The following KLK7 variants were observed in gnomAD, a reference collection of about 807,000 sequenced individuals.
KLK7 encodes the protein kallikrein related peptidase 7, also known as kallikrein-7.
Under a neutral mutation model 21.0 loss-of-function variants are expected in KLK7, and 17 were observed. That is an observed-to-expected ratio of 0.81 (90% CI 0.55 to 1.21). KLK7 has a LOEUF of 1.21. Among genes scored for constraint, KLK7 ranks in the 50% most tolerant of loss-of-function variants. The pLI, the probability that KLK7 is intolerant of heterozygous loss-of-function variation, is 0.00. For missense variants in KLK7, 330 were observed against 322.8 expected (o/e 1.02, Z -0.17); for synonymous variants, 151 against 134.6 (o/e 1.12, Z -0.85).
At chr19:50,980,146 C>T (rs1385178667) in intron 4 of KLK7, 94 bp downstream of exon 4, 16 of 1,394,624 alleles carry the variant, frequency 1.1e-5, no homozygotes, top group Non-Finnish European at 1.6e-5. Flanking sequence ...GCCTGGACTC[C>T]TGGGTCTGAG....
intron 1 of KLK7, among the ~76,000 whole-genome samples, chr19:50,983,231 A>G (rs1568550351): frequency 1.1e-5 from 1 of 87,102 alleles, no homozygotes; most frequent in African/African-American, 5.7e-5. Context: ...CCTCCCTCAG[A>G]CCCAGGAGTC....
At chr19:50,980,577 CAG>C in intron 3 of KLK7, 90 bp from the exon 4 acceptor site, 1 of 1,519,072 alleles carries the variant, frequency 6.6e-7, no homozygotes, top group Non-Finnish European at 9.0e-7. Context: ...GACAGAGACC[CAG>C]AGAGAGGAGG....
chr19:50,979,809 G>T lies in KLK7; in HGVS notation c.585C>A (p.Asp195Glu). 4 of 1,573,480 alleles carry T rather than the reference G, an allele frequency of 2.5e-6. No individual in the cohort carries two copies. The highest frequency in any genetic ancestry group is 3.5e-6 in the Non-Finnish European group (4 of 1,158,274). Reference sequence around the variant, plus strand: ...TCACATTGCAGGCGTTTTTCTTGGAGTCGGGGATGCCAGCGCACAGCATGG... The same window carrying T: ...TCACATTGCAGGCGTTTTTCTTGGATTCGGGGATGCCAGCGCACAGCATGG... The part of the protein sequence containing the change: ...ENSMLCAGIP[D>E]SKKNACNGDS... The change falls in exon 5 of 6, where the codon GAC becomes GAA. Residue 195 changes from aspartate (D) to glutamate (E), a missense_variant. Asp to Glu is a conservative substitution (Grantham distance 45). Transcript: ENST00000595820.
intron 2 of KLK7, 65 bp downstream of exon 2, chr19:50,982,262 G>A (rs2091095154): frequency 6.4e-7 from 1 of 1,566,300 alleles, no homozygotes; most frequent in Admixed American, 1.9e-5. Context: ...TCTGACTCAG[G>A]GACTCCTTGG....
At position 50,980,273 on chromosome 19, in the gene KLK7, C is replaced by T. The variant is rs759790552; in HGVS notation, c.436G>A (p.Val146Ile). ...CTCGTGGTAGTGCCCCAGCCGGAGA[C>T]AGTACAGGTGGTTCCAGGGGGTTCG... ...RCEPPGTTCT[V>I]SGWGTTTSPD... Residue 146 changes from valine (V) to isoleucine (I), a missense_variant, in exon 4 of 6, where the codon GTC becomes ATC. Val to Ile is a conservative substitution (Grantham distance 29). Transcript: ENST00000595820. The T allele has an allele frequency of 4.3e-6, 7 of 1,613,870 alleles. No individual in the cohort carries two copies. Among genetic ancestry groups the T allele is most frequent in the African/African-American group, 1.3e-5 (1 of 74,874 alleles).
intron 5 of KLK7, among the ~76,000 whole-genome samples, chr19:50,978,541 T>G (rs1235409949): frequency 3.0e-3 from 211 of 69,240 alleles, no homozygotes; most frequent in Admixed American, 4.0e-3. Context: ...ATGAGGGAGA[T>G]GGGGAGGGTG....
At position 50,981,229 on chromosome 19, in the gene KLK7, A is replaced by T. The variant is rs577445256; in HGVS notation, c.221+538T>A. Among the ~76,000 whole-genome samples the T allele has an allele frequency of 8.7e-5, 12 of 138,034 alleles. No homozygotes were observed. In the South Asian group the frequency reaches 1.6e-3, roughly 18 times the overall value. The allele number at this position is 138,034 out of a possible 152,430, so 90.6% of individuals were successfully genotyped here. A position where few individuals can be genotyped will look rare whatever the true frequency, so the allele number is the denominator to read the frequency against. ...AGGAGGGGGAACAGAGACCAGAGAGAGAGGGGGACAGAGACCCAGAGAGAG... is the reference window on the plus strand; with the variant it reads ...AGGAGGGGGAACAGAGACCAGAGAGTGAGGGGGACAGAGACCCAGAGAGAG... On this transcript the variant is annotated intron_variant, in intron 3 of 5. Transcript: ENST00000595820.
At chr19:50,983,947 A>G, upstream of KLK7, 2 of 1,281,424 alleles carry the variant, frequency 1.6e-6, no homozygotes, top group South Asian at 1.2e-5. Context: ...CTCTTATATC[A>G]CCCCCCGCCC....
intron 3 of KLK7, among the ~76,000 whole-genome samples, chr19:50,981,163 TG>T (rs2091080510): frequency 2.0e-5 from 1 of 50,486 alleles, no homozygotes; most frequent in African/African-American, 9.1e-5. Context: ...AGAGAGAGGG[TG>T]ACAGAGACCC....
chr19:50,980,241 A>C lies in KLK7; in HGVS notation c.468T>G (p.Asp156Glu). ...VSGWGTTTSP[D>E]VTFPSDLMCV... Reference sequence around the variant, plus strand: ...TCCTGGGTCACTGAGGCCACCTACCATCTGGGCTCGTGGTAGTGCCCCAGC... The same window carrying C: ...TCCTGGGTCACTGAGGCCACCTACCCTCTGGGCTCGTGGTAGTGCCCCAGC... The change falls in exon 4 of 6, where the codon GAT becomes GAG. Residue 156 changes from aspartate (D) to glutamate (E), a missense_variant and splice_region_variant. By Grantham distance (45) the Asp-to-Glu change is conservative (BLOSUM62 2). Coordinates refer to ENST00000595820, the MANE Select transcript of KLK7 (RefSeq NM_005046.4). The C allele has an allele frequency of 6.2e-7, 1 of 1,613,690 alleles. No homozygotes were observed. Among genetic ancestry groups the C allele is most frequent in the Non-Finnish European group, 8.5e-7 (1 of 1,179,876 alleles).
At chr19:50,983,941 T>C (rs1461469910), upstream of KLK7, 3 of 1,288,006 alleles carry the variant, frequency 2.3e-6, no homozygotes, top group Admixed American at 6.9e-5. Flanking sequence ...GCCGTCCTCT[T>C]ATATCACCCC....
At chr19:50,980,019 G>T in intron 4 of KLK7, 95 bp from the exon 5 acceptor site, 1 of 1,471,000 alleles carries the variant, frequency 6.8e-7, no homozygotes, top group South Asian at 1.3e-5. Flanking sequence ...AGGGAGGAGG[G>T]TCTGGGGCCC....
chr19:50,983,414 T>C (rs1211532657), intron 1 of KLK7, among the ~76,000 whole-genome samples: 26 of 48,812 alleles, frequency 5.3e-4, no homozygotes, highest in African/African-American at 1.1e-3. Context: ...CCCTCAGACC[T>C]AGGAGTCCAG....
rs1302888758 is a variant in KLK7, at chr19:50,976,716, TTCTG to T, written c.*816_*819del. 1 of 152,220 alleles carries T rather than the reference TTCTG, an allele frequency of 6.6e-6. No homozygotes were observed. Among genetic ancestry groups the T allele is most frequent in the African/African-American group, 2.4e-5 (1 of 41,448 alleles). The allele number at this position is 152,220 out of a possible 1,614,324, so 9.4% of individuals were successfully genotyped here. Reference sequence around the variant, plus strand: ...AAATGTTCTTGAATAATACTGACAATTCTGTCTAAGTATCATTTTTAATAGGTTT... The same window carrying T: ...AAATGTTCTTGAATAATACTGACAATTCTAAGTATCATTTTTAATAGGTTT... On this transcript the variant is annotated 3_prime_UTR_variant, in exon 6 of 6. Coordinates refer to ENST00000595820, the MANE Select transcript of KLK7 (RefSeq NM_005046.4).
At position 50,983,849 on chromosome 19, in the gene KLK7, A is replaced by T. The variant is rs1158555059; in HGVS notation, c.-59+2T>A. 1 of 1,288,962 alleles carries T rather than the reference A, an allele frequency of 7.8e-7. No individual in the cohort carries two copies. The highest frequency in any genetic ancestry group is 1.0e-6 in the Non-Finnish European group (1 of 988,754). 79.8% of individuals were successfully genotyped at this position (1,288,962 alleles called of 1,614,324 possible). A position where few individuals can be genotyped will look rare whatever the true frequency, so the allele number is the denominator to read the frequency against. Reference sequence around the variant, plus strand: ...TGCACCCTTGATGAAGCCTCTTCTCACCTCGAGAGGATCTGATGTGATCCA... The same window carrying T: ...TGCACCCTTGATGAAGCCTCTTCTCTCCTCGAGAGGATCTGATGTGATCCA... On this transcript the variant is annotated splice_donor_variant, in intron 1 of 5. Transcript: ENST00000595820. LOFTEE classifies it low-confidence loss of function (5UTR_SPLICE).
rs919154657 is a variant in KLK7, at chr19:50,983,765, C to G, written c.-59+86G>C. ...TCAGGACCGGGAGTCTAGGCTGCAG[C>G]CCCTACCTCTCGAGAGCAGAGTCAG... On this transcript the variant is annotated intron_variant, in intron 1 of 5. Transcript: ENST00000595820. 1.7e-5 allele frequency: 21 copies of G among 1,272,572 alleles called. No individual in the cohort carries two copies. The African/African-American group carries it at 3.2e-4, about 19-fold the overall frequency. 78.8% of individuals were successfully genotyped at this position (1,272,572 alleles called of 1,614,324 possible).
In KLK7 at chr19:50,979,814, G is replaced by A; in HGVS notation, c.580C>T (p.Pro194Ser). The change falls in exon 5 of 6, where the codon CCC (proline) becomes TCC (serine). Residue 194 changes from proline to serine, a missense_variant. Transcript: ENST00000595820. ...LENSMLCAGI[P>S]DSKKNACNGD... is the part of the protein sequence containing the mutation. Reference sequence around the variant, plus strand: ...TTGCAGGCGTTTTTCTTGGAGTCGGGGATGCCAGCGCACAGCATGGAATTT... The same window carrying A: ...TTGCAGGCGTTTTTCTTGGAGTCGGAGATGCCAGCGCACAGCATGGAATTT... 1 of 1,574,802 alleles carries A rather than the reference G, an allele frequency of 6.3e-7. No homozygotes were observed. The highest frequency in any genetic ancestry group is 8.6e-7 in the Non-Finnish European group (1 of 1,159,092).
chr19:50,982,314 G>T lies in KLK7; in HGVS notation c.73+13C>A. 6.2e-7 allele frequency: 1 copy of T among 1,608,030 alleles called. No individual in the cohort carries two copies. The highest frequency in any genetic ancestry group is 1.7e-5 in the Admixed American group (1 of 59,108). ...CCCTGAGGTGAGGTCAGACTTCCCA[G>T]TCCAGCTTTCACCTTCTTCTCCTGC... On this transcript the variant is annotated intron_variant, in intron 2 of 5. Coordinates refer to ENST00000595820, the MANE Select transcript of KLK7 (RefSeq NM_005046.4).
chr19:50,981,735 G>T (rs759679638), intron 3 of KLK7, 32 bp downstream of exon 3: 5 of 1,536,658 alleles, frequency 3.3e-6, no homozygotes, highest in South Asian at 2.4e-5. Context: ...AGACGCTGGT[G>T]CACCTCCAGC....
Sources: allele counts gnomAD v4.1 joint callset (sites outside exome capture counted in the v4.1 genomes callset), GRCh38; gene constraint gnomAD v4.1.1; transcripts MANE v1.5; gene names NCBI Gene and HGNC (gene_info 2026-07-23, HGNC 2026-07-21).